CCDC73: variants seen among roughly 807,000 people sequenced by gnomAD.
CCDC73 encodes coiled-coil domain-containing protein 73.
CCDC73 carries 95 observed loss-of-function variants against 116.5 expected under a neutral mutation model. The observed-to-expected ratio is 0.82, with a 90% CI of 0.69 to 0.97. The LOEUF (loss-of-function observed/expected upper bound fraction) is 0.97. Among genes scored for constraint, CCDC73 ranks in the 50% least tolerant of loss-of-function variants. CCDC73 has a pLI of 0.00. For missense variants in CCDC73, 1,066 were observed against 1,206.8 expected, an observed-to-expected ratio of 0.88 and a Z score of 1.73; for synonymous variants, 398 against 401.3, an observed-to-expected ratio of 0.99 and a Z score of 0.10.
At chr11:32,648,806 C>T (rs930121065) in intron 12 of CCDC73, among the ~76,000 whole-genome samples, 2 of 152,246 alleles carry the variant, frequency 1.3e-5, no homozygotes, top group Admixed American at 6.5e-5. Context: ...CCACCTCGGC[C>T]TCCCAAAGCG....
At chr11:32,825,757 T>C in the CCDC73 span, among the ~76,000 whole-genome samples, 1 of 152,260 alleles carries the variant, frequency 6.6e-6, no homozygotes, top group Non-Finnish European at 1.5e-5. Flanking sequence ...TGAATATGAG[T>C]TCACAAAAAA....
chr11:32,797,900 A>G (rs561376111), upstream of CCDC73, among the ~76,000 whole-genome samples: 2 of 152,306 alleles, frequency 1.3e-5, no homozygotes, highest in East Asian at 1.9e-4. Flanking sequence ...GCAATCCTAA[A>G]TGTTCCAAAA....
At chr11:32,668,928 T>C (rs1856011602) in intron 9 of CCDC73, among the ~76,000 whole-genome samples, 1 of 152,150 alleles carries the variant, frequency 6.6e-6, no homozygotes, top group Admixed American at 6.5e-5. Context: ...ATAAGTAAAT[T>C]TTGAATAAGT....
chr11:32,611,076 A>C (rs1416949352), intron 17 of CCDC73, 56 bp downstream of exon 17: 1 of 1,578,088 alleles, frequency 6.3e-7, no homozygotes, highest in Non-Finnish European at 8.7e-7. Context: ...AGTTCTACAC[A>C]TATCTGTAGA....
intron 9 of CCDC73, among the ~76,000 whole-genome samples, chr11:32,671,003 A>C (rs1468094532): frequency 6.6e-6 from 1 of 152,180 alleles, no homozygotes; most frequent in Non-Finnish European, 1.5e-5. Context: ...TCCACTGAAA[A>C]ACATGCTTTT....
At chr11:32,605,582 A>C (rs986336273) in intron 17 of CCDC73, 2 of 152,200 alleles carry the variant, frequency 1.3e-5, no homozygotes, top group African/African-American at 2.4e-5. Flanking sequence ...AGTTTCCCAA[A>C]ATCCTGATTC....
At chr11:32,770,124 A>C (rs1390942084) in intron 1 of CCDC73, among the ~76,000 whole-genome samples, 1 of 152,122 alleles carries the variant, frequency 6.6e-6, no homozygotes, top group East Asian at 1.9e-4. Context: ...AAGTTTATTC[A>C]GTTGTTAGAT....
At chr11:32,734,425 CTTT>C (rs34093038) in intron 2 of CCDC73, among the ~76,000 whole-genome samples, 5,951 of 131,320 alleles carry the variant, frequency 0.045, 327 homozygotes, top group African/African-American at 0.15. Flanking sequence ...ATTTTTTTTT[CTTT>C]TTTTTTTTTT....
At chr11:32,639,650 T>C (rs1855714868) in intron 13 of CCDC73, among the ~76,000 whole-genome samples, 1 of 152,154 alleles carries the variant, frequency 6.6e-6, no homozygotes, top group Admixed American at 6.5e-5. Flanking sequence ...GGTTTCACCA[T>C]CCTGGCCAGG....
At chr11:32,656,397 G>C (rs1855873214) in intron 9 of CCDC73, among the ~76,000 whole-genome samples, 1 of 152,088 alleles carries the variant, frequency 6.6e-6, no homozygotes, top group Admixed American at 6.5e-5. Flanking sequence ...TACATTATAA[G>C]AGCCGGCTGC....
At chr11:32,788,200 T>C (rs1823131573) in intron 1 of CCDC73, among the ~76,000 whole-genome samples, 2 of 152,202 alleles carry the variant, frequency 1.3e-5, no homozygotes, top group Non-Finnish European at 2.9e-5. Context: ...TCATATCCTT[T>C]GGAAAAGGCA....
intron 7 of CCDC73, among the ~76,000 whole-genome samples, chr11:32,678,100 G>A (rs1448737797): frequency 1.3e-5 from 2 of 151,750 alleles, no homozygotes; most frequent in Non-Finnish European, 2.9e-5. Flanking sequence ...CCAACATAGT[G>A]AAACCCTGTC....
chr11:32,681,419 G>T (rs955683541), intron 7 of CCDC73: 1 of 151,858 alleles, frequency 6.6e-6, no homozygotes, highest in Middle Eastern at 3.2e-3. Context: ...GGTAATGATC[G>T]TGATTTTTTC....
chr11:32,630,375 C>T (rs897479192), intron 14 of CCDC73, among the ~76,000 whole-genome samples: 3 of 145,330 alleles, frequency 2.1e-5, no homozygotes, highest in East Asian at 1.9e-4. Flanking sequence ...GATGGAGTCT[C>T]GCTCTGTTGC....
At chr11:32,615,528 A>G (rs184419410) in intron 15 of CCDC73, among the ~76,000 whole-genome samples, 4 of 152,290 alleles carry the variant, frequency 2.6e-5, no homozygotes, top group South Asian at 2.1e-4. Flanking sequence ...AAAGATTTCA[A>G]CTTTTTAGTA....
chr11:32,658,046 A>G (rs1462882754), intron 9 of CCDC73, among the ~76,000 whole-genome samples: 1 of 151,778 alleles, frequency 6.6e-6, no homozygotes, highest in African/African-American at 2.4e-5. Context: ...GAAAAAGAAA[A>G]AAAAACCCCA....
chr11:32,627,877 G>A (rs535006634), intron 14 of CCDC73, among the ~76,000 whole-genome samples: 2 of 152,074 alleles, frequency 1.3e-5, no homozygotes, highest in Non-Finnish European at 2.9e-5. Context: ...GTTAAATGAC[G>A]AGTTAATGGG....
chr11:32,770,452 G>A (rs1850483296), intron 1 of CCDC73, among the ~76,000 whole-genome samples: 1 of 150,862 alleles, frequency 6.6e-6, no homozygotes, highest in African/African-American at 2.4e-5. Context: ...GGAAGAATTT[G>A]TGCCCATTAA....
intron 1 of CCDC73, among the ~76,000 whole-genome samples, chr11:32,788,700 A>C (rs1332887039): frequency 6.6e-6 from 1 of 152,058 alleles, no homozygotes; most frequent in African/African-American, 2.4e-5. Flanking sequence ...GTCTGGGCTC[A>C]AGCGGTCCTC....
Sources: allele counts gnomAD v4.1 joint callset (sites outside exome capture counted in the v4.1 genomes callset), GRCh38; gene constraint gnomAD v4.1.1; transcripts MANE v1.5; gene names NCBI Gene and HGNC (gene_info 2026-07-23, HGNC 2026-07-21).